Variants in MBNL1 observed in about 807,000 individuals in gnomAD.
MBNL1 encodes muscleblind-like protein 1.
Under a neutral mutation model 42.2 loss-of-function variants are expected in MBNL1, and 8 were observed. The ratio of observed to expected loss-of-function variants is 0.19; its 90% confidence interval spans 0.11 to 0.34. MBNL1 has a LOEUF of 0.34. Among genes scored for constraint, MBNL1 ranks in the 10% least tolerant of loss-of-function variants. The pLI is 1.00. For missense variants in MBNL1, 309 were observed against 495.3 expected, an observed-to-expected ratio of 0.62 and a Z score of 3.57; for synonymous variants, 169 against 173.9, an observed-to-expected ratio of 0.97 and a Z score of 0.22.
At chr3:152,281,573 C>T (rs2048512852) in intron 1 of MBNL1, among the ~76,000 whole-genome samples, 1 of 152,062 alleles carries the variant, frequency 6.6e-6, no homozygotes, top group Non-Finnish European at 1.5e-5. Context: ...ATACCCTCTG[C>T]CCCAGCACTC....
chr3:152,276,694 G>A (rs1366622987), intron 1 of MBNL1, among the ~76,000 whole-genome samples: 1 of 152,156 alleles, frequency 6.6e-6, no homozygotes, highest in Non-Finnish European at 1.5e-5. Flanking sequence ...GTGTTCAAGG[G>A]AGATTGGTGC....
At chr3:152,306,978 T>C (rs1383617519) in intron 2 of MBNL1, among the ~76,000 whole-genome samples, 4 of 152,190 alleles carry the variant, frequency 2.6e-5, no homozygotes, top group African/African-American at 9.7e-5. Flanking sequence ...TTTTATCTTC[T>C]TATAACTGTA....
At chr3:152,407,843 G>A (rs530311416) in intron 2 of MBNL1, among the ~76,000 whole-genome samples, 4 of 151,966 alleles carry the variant, frequency 2.6e-5, no homozygotes, top group Non-Finnish European at 4.4e-5. Context: ...CATGAATGGA[G>A]CTGGAAGGCA....
chr3:152,445,181 C>G, intron 4 of MBNL1, 101 bp from the exon 5 acceptor site: 1 of 981,092 alleles, frequency 1.0e-6, no homozygotes, highest in Non-Finnish European at 1.5e-6. Context: ...CCCTTTTCAT[C>G]TATAGCCTTC....
At chr3:152,266,989 CT>C (rs1490464206), upstream of MBNL1, 2 of 152,254 alleles carry the variant, frequency 1.3e-5, no homozygotes, top group African/African-American at 4.8e-5. Context: ...CACAGACCTA[CT>C]TTTAGTGTCA....
intron 4 of MBNL1, among the ~76,000 whole-genome samples, chr3:152,442,869 T>G (rs1351376025): frequency 1.3e-5 from 2 of 152,140 alleles, no homozygotes; most frequent in Non-Finnish European, 2.9e-5. Context: ...TCACAAGAGA[T>G]TTTCTCTTCC....
At chr3:152,462,110 A>AT (rs1447708021) in intron 9 of MBNL1, among the ~76,000 whole-genome samples, 1 of 152,164 alleles carries the variant, frequency 6.6e-6, no homozygotes, top group Non-Finnish European at 1.5e-5. Flanking sequence ...AGGCCCCCTG[A>AT]TTCTGCAAAT....
chr3:152,269,150 T>C, intron 1 of MBNL1, 58 bp downstream of exon 1: 1 of 431,870 alleles, frequency 2.3e-6, no homozygotes, highest in Non-Finnish European at 4.7e-6. Flanking sequence ...CTCCGGCGGG[T>C]CTGCCCGTGG....
chr3:152,344,428 G>A lies in MBNL1; in HGVS notation c.174+44061G>A, dbSNP rs77431832. Among the ~76,000 whole-genome samples, 351 of 152,264 alleles carry A rather than the reference G, an allele frequency of 2.3e-3. 9 individuals carry two copies. In the East Asian group the frequency reaches 0.063, roughly 27 times the overall value. ...CTAACAGGTATTGCAGTGATTTGGC[G>A]TGGTATATCAAAAGCCAGAGACACT... On this transcript the variant is annotated intron_variant, in intron 2 of 9. Coordinates refer to ENST00000324210, the MANE Select transcript of MBNL1 (RefSeq NM_021038.5).
chr3:152,387,999 C>T (rs1257519945), intron 2 of MBNL1, among the ~76,000 whole-genome samples: 1 of 152,200 alleles, frequency 6.6e-6, no homozygotes, highest in African/African-American at 2.4e-5. Flanking sequence ...AGATGGCCTA[C>T]AGCTCCCTGT....
intron 1 of MBNL1, among the ~76,000 whole-genome samples, chr3:152,293,439 G>A (rs143822315): frequency 9.2e-5 from 14 of 152,264 alleles, no homozygotes; most frequent in Admixed American, 9.1e-4. Flanking sequence ...TTAATATTTG[G>A]GACAAACCCT....
intron 2 of MBNL1, among the ~76,000 whole-genome samples, chr3:152,327,950 C>T (rs1447987804): frequency 1.3e-5 from 2 of 151,924 alleles, no homozygotes; most frequent in Non-Finnish European, 2.9e-5. Context: ...CTGTATGTGA[C>T]AAACAAGGAA....
intron 2 of MBNL1, among the ~76,000 whole-genome samples, chr3:152,376,628 G>A (rs1478377750): frequency 3.3e-5 from 5 of 152,196 alleles, no homozygotes; most frequent in Admixed American, 6.5e-5. Flanking sequence ...GAGAGCAAAA[G>A]CCCAAGGAAT....
chr3:152,297,161 C>T (rs1348777722), intron 1 of MBNL1, among the ~76,000 whole-genome samples: 4 of 151,662 alleles, frequency 2.6e-5, no homozygotes, highest in African/African-American at 7.3e-5. Flanking sequence ...TGCAGGTGGT[C>T]CATTCTCAAG....
At chr3:152,369,326 A>G (rs1445413361) in intron 2 of MBNL1, among the ~76,000 whole-genome samples, 1 of 152,174 alleles carries the variant, frequency 6.6e-6, no homozygotes, top group Non-Finnish European at 1.5e-5. Context: ...TGATTTGCAT[A>G]TGTTGAACCA....
At chr3:152,307,026 G>A (rs2063500039) in intron 2 of MBNL1, among the ~76,000 whole-genome samples, 2 of 152,250 alleles carry the variant, frequency 1.3e-5, no homozygotes, top group South Asian at 4.1e-4. Flanking sequence ...GTCTTACTCT[G>A]TTGTCCAGGC....
intron 3 of MBNL1, among the ~76,000 whole-genome samples, chr3:152,429,449 A>T (rs2098977654): frequency 6.6e-6 from 1 of 152,236 alleles, no homozygotes; most frequent in African/African-American, 2.4e-5. Context: ...AGGAACAGAG[A>T]TACTTACAAA....
rs16864184 is a variant in MBNL1 at position 152,329,805 on chromosome 3, T to A, written c.174+29438T>A. Among the ~76,000 whole-genome samples the A allele has an allele frequency of 8.5e-3, 1,273 of 149,980 alleles. 19 individuals carry two copies. The highest frequency in any genetic ancestry group is 0.029 in the African/African-American group (1,209 of 41,102). On this transcript the variant is annotated intron_variant, in intron 2 of 9. Transcript: ENST00000324210. Reference sequence around the variant, plus strand: ...AGTTCTTTTACTTTCAAGTGATGGATAAAATAAAACCATTGTGGATATCAT... The same window carrying A: ...AGTTCTTTTACTTTCAAGTGATGGAAAAAATAAAACCATTGTGGATATCAT...
Position 152,463,794 on chromosome 3 carries a change from C to G in MBNL1, c.*1428C>G, listed in dbSNP as rs1486550240. The G allele has an allele frequency of 3.3e-5, 5 of 152,384 alleles. No individual in the cohort carries two copies. The highest frequency in any genetic ancestry group is 3.9e-4 in the East Asian group (2 of 5,188). The allele number at this position is 152,384 out of a possible 1,614,324, so 9.4% of individuals were successfully genotyped here. On this transcript the variant is annotated 3_prime_UTR_variant, in exon 10 of 10. Coordinates refer to ENST00000324210, the MANE Select transcript of MBNL1 (RefSeq NM_021038.5). ...GCAGCTAGTAAAGGATATTTTTGCT[C>G]TGTTCAGCAGTTCTAAAAATTGCTG...
Sources: gnomAD v4.1 joint callset for allele counts (sites outside exome capture counted in the v4.1 genomes callset) on GRCh38, gnomAD v4.1.1 for gene constraint, MANE v1.5 for transcripts, NCBI Gene and HGNC (gene_info 2026-07-23, HGNC 2026-07-21) for gene names.